RYR2: variants seen among roughly 807,000 people sequenced by gnomAD.
The protein encoded by RYR2 is ryanodine receptor 2.
RYR2 carries 227 observed loss-of-function variants against 601.1 expected under a neutral mutation model. The observed-to-expected ratio is 0.38, with a 90% CI of 0.34 to 0.42. The LOEUF (loss-of-function observed/expected upper bound fraction) is 0.42, where lower values mean the gene tolerates loss of function less well. RYR2 is among the 10% of genes least tolerant of loss of function. RYR2 has a pLI of 1.00. For missense variants in RYR2, 4,646 were observed against 6,156.5 expected, an observed-to-expected ratio of 0.75 and a Z score of 8.21; for synonymous variants, 2,223 against 2,175.1, an observed-to-expected ratio of 1.02 and a Z score of -0.61.
chr1:237,832,120 C>T (rs1446531417), intron 104 of RYR2, among the ~76,000 whole-genome samples: 1 of 152,098 alleles, frequency 6.6e-6, no homozygotes, highest in East Asian at 1.9e-4. Context: ...CCTACTACAG[C>T]CTTGACTTCC....
At chr1:237,828,257 T>C in intron 101 of RYR2, 124 bp from the exon 102 acceptor site, 1 of 612,416 alleles carries the variant, frequency 1.6e-6, no homozygotes, top group Non-Finnish European at 2.9e-6. Context: ...TGTAGTCACG[T>C]TTACCATGTT....
chr1:237,435,625 T>TA (rs1432412831), intron 12 of RYR2, among the ~76,000 whole-genome samples: 1 of 152,170 alleles, frequency 6.6e-6, no homozygotes, highest in African/African-American at 2.4e-5. Context: ...TTAACGACTG[T>TA]AAGAACGAGA....
chr1:237,251,597 T>A (rs920646268), intron 1 of RYR2, among the ~76,000 whole-genome samples: 2 of 152,218 alleles, frequency 1.3e-5, no homozygotes, highest in African/African-American at 4.8e-5. Flanking sequence ...GGGTTCACTT[T>A]TAGATCGTCC....
At chr1:237,417,646 A>G (rs1705149239) in intron 11 of RYR2, among the ~76,000 whole-genome samples, 1 of 152,228 alleles carries the variant, frequency 6.6e-6, no homozygotes, top group Non-Finnish European at 1.5e-5. Flanking sequence ...GCATTGCAAT[A>G]AAAGTCACTG....
chr1:237,755,234 A>G, intron 80 of RYR2: 1 of 461,964 alleles, frequency 2.2e-6, no homozygotes, highest in Non-Finnish European at 3.4e-6. Context: ...ATATTCTGTA[A>G]CTAGCAAGCC....
intron 20 of RYR2, among the ~76,000 whole-genome samples, chr1:237,498,778 C>A (rs1024888599): frequency 2.6e-5 from 4 of 151,082 alleles, no homozygotes; most frequent in Non-Finnish European, 5.9e-5. Flanking sequence ...ATAAGAACAA[C>A]AAAAAAAAAT....
intron 2 of RYR2, among the ~76,000 whole-genome samples, chr1:237,306,123 A>C (rs1313020213): frequency 6.6e-6 from 1 of 152,200 alleles, no homozygotes; most frequent in African/African-American, 2.4e-5. Context: ...TGACAAACTG[A>C]GAAGAGAAAG....
chr1:237,429,939 A>C (rs1351119681), intron 12 of RYR2, among the ~76,000 whole-genome samples: 1 of 152,062 alleles, frequency 6.6e-6, no homozygotes, highest in Non-Finnish European at 1.5e-5. Flanking sequence ...CTATAATATT[A>C]AATGGTATTA....
At chr1:237,159,114 G>C (rs2148851800) in intron 1 of RYR2, among the ~76,000 whole-genome samples, 1 of 152,166 alleles carries the variant, frequency 6.6e-6, no homozygotes, top group East Asian at 1.9e-4. Context: ...CCAACATGAA[G>C]AAACCTGTCT....
At chr1:237,110,673 G>A (rs976931210) in intron 1 of RYR2, among the ~76,000 whole-genome samples, 6 of 152,134 alleles carry the variant, frequency 3.9e-5, no homozygotes, top group African/African-American at 9.7e-5. Context: ...TCAGGTAGGG[G>A]CACACCTGCT....
chr1:237,674,465 A>G (rs1685221408), intron 59 of RYR2, among the ~76,000 whole-genome samples: 1 of 152,104 alleles, frequency 6.6e-6, no homozygotes, highest in Non-Finnish European at 1.5e-5. Flanking sequence ...CAGGCAAAAA[A>G]TCACACTCTG....
At chr1:237,328,378 A>G (rs1696366098) in intron 2 of RYR2, among the ~76,000 whole-genome samples, 1 of 152,170 alleles carries the variant, frequency 6.6e-6, no homozygotes, top group South Asian at 2.1e-4. Context: ...TAAATTCCAG[A>G]GTAGAAGAGA....
chr1:237,785,901 T>G (rs914681229), intron 90 of RYR2, 68 bp from the exon 91 acceptor site: 13 of 1,085,156 alleles, frequency 1.2e-5, no homozygotes, highest in Admixed American at 1.9e-5. Flanking sequence ...CATGGTCACA[T>G]GGCTCCCTCA....
intron 2 of RYR2, among the ~76,000 whole-genome samples, chr1:237,315,395 A>C (rs1426472180): frequency 2.0e-5 from 3 of 151,936 alleles, no homozygotes; most frequent in Non-Finnish European, 4.4e-5. Flanking sequence ...TTAACAATCT[A>C]CTCTTGAAAA....
At chr1:237,215,845 C>G in intron 1 of RYR2, among the ~76,000 whole-genome samples, 1 of 152,104 alleles carries the variant, frequency 6.6e-6, no homozygotes, top group Non-Finnish European at 1.5e-5. Context: ...TTTTAGTAAG[C>G]CTAGGGACTG....
intron 63 of RYR2, among the ~76,000 whole-genome samples, chr1:237,696,540 C>CTTT (rs55771611): frequency 8.9e-4 from 123 of 138,720 alleles, no homozygotes; most frequent in South Asian, 4.2e-3. Flanking sequence ...GCACTGCAGA[C>CTTT]TTTTTTTTTT....
intron 56 of RYR2, among the ~76,000 whole-genome samples, chr1:237,665,416 A>G (rs971086744): frequency 1.4e-5 from 2 of 144,918 alleles, no homozygotes; most frequent in South Asian, 2.3e-4. Context: ...AAAAAAAAAA[A>G]AAAGGAAAAC....
chr1:237,258,593 T>C (rs1001604170), intron 1 of RYR2, among the ~76,000 whole-genome samples: 2 of 152,248 alleles, frequency 1.3e-5, no homozygotes, highest in Non-Finnish European at 2.9e-5. Flanking sequence ...TATGTACCTC[T>C]TGGTTTCTGT....
At chr1:237,517,620 G>A (rs981438583) in intron 24 of RYR2, among the ~76,000 whole-genome samples, 1 of 151,444 alleles carries the variant, frequency 6.6e-6, no homozygotes, top group Non-Finnish European at 1.5e-5. Context: ...GCTCCATGAA[G>A]CCAGGAACTA....
Sources: gnomAD v4.1 joint callset for allele counts (sites outside exome capture counted in the v4.1 genomes callset) on GRCh38, gnomAD v4.1.1 for gene constraint, MANE v1.5 for transcripts, NCBI Gene and HGNC (gene_info 2026-07-23, HGNC 2026-07-21) for gene names.